The following PYGM variants were observed in gnomAD, a reference collection of about 807,000 sequenced individuals.
The protein encoded by PYGM is glycogen phosphorylase, muscle form.
A neutral mutation model predicts 99.3 loss-of-function variants in PYGM; 81 were observed. The observed-to-expected ratio is 0.82, with a 90% CI of 0.68 to 0.98. The LOEUF (loss-of-function observed/expected upper bound fraction) is 0.98. PYGM is among the 50% of genes least tolerant of loss of function. The pLI, the probability that PYGM is intolerant of heterozygous loss-of-function variation, is 0.00. For synonymous variants in PYGM, 436 were observed against 451.5 expected (o/e 0.97, Z 0.44); for missense variants, 1,030 against 1,158.1 (o/e 0.89, Z 1.61).
At chr11:64,760,543 G>A (rs547746168), upstream of PYGM, among the ~76,000 whole-genome samples, 1 of 152,218 alleles carries the variant, frequency 6.6e-6, no homozygotes, top group African/African-American at 2.4e-5. Flanking sequence ...GTCCCTCAAG[G>A]AGCCCTGAAG....
upstream of PYGM, chr11:64,760,421 G>A (rs1392245052): frequency 1.1e-5 from 2 of 178,352 alleles, no homozygotes; most frequent in Non-Finnish European, 2.4e-5. Flanking sequence ...TTGAGAAAGG[G>A]GCCCACGACC....
intron 11 of PYGM, 28 bp from the exon 12 acceptor site, chr11:64,753,215 C>G: frequency 6.4e-7 from 1 of 1,559,282 alleles, no homozygotes; most frequent in Non-Finnish European, 8.8e-7. Flanking sequence ...ACGAGGGTCA[C>G]CACTCACCCC....
upstream of PYGM, chr11:64,759,992 A>G (rs1211175136): frequency 1.9e-6 from 3 of 1,556,592 alleles, no homozygotes; most frequent in Non-Finnish European, 2.6e-6. Flanking sequence ...CCCAGCCTCA[A>G]GGGGATTTAA....
Position 64,746,761 on chromosome 11 carries a change from AGAG to A in PYGM, c.2424_2426del (p.Ser809del). The A allele has an allele frequency of 6.2e-7, 1 of 1,614,172 alleles. No homozygotes were observed. The highest frequency in any genetic ancestry group is 8.5e-7 in the Non-Finnish European group (1 of 1,180,022). On this transcript the variant is annotated inframe_deletion, in exon 20 of 20. Transcript: ENST00000164139. ...TGGTGCGGTCACTGGAGAACTTGCC[AGAG>A]GTGGCTATGTTCCGGATCACCATCC...
Position 64,755,357 on chromosome 11 carries a change from T to C in PYGM, c.773-2A>G. ...CCTGGATGTAGCCACCGACATTGAC[T>C]GAGGGACAAAAGTGGGGACAGGGTA... On this transcript the variant is annotated splice_acceptor_variant, in intron 6 of 19. Coordinates refer to ENST00000164139, the MANE Select transcript of PYGM (RefSeq NM_005609.4). LOFTEE classifies it high-confidence loss of function. The surrounding 1 kb of genome is among the most constrained non-coding windows in gnomAD (Gnocchi z 4.1). The C allele has an allele frequency of 6.2e-7, 1 of 1,614,094 alleles. No individual in the cohort carries two copies. The highest frequency in any genetic ancestry group is 1.7e-5 in the Admixed American group (1 of 60,022).
intron 14 of PYGM, 96 bp downstream of exon 14, chr11:64,751,828 T>C (rs1242408913): frequency 1.3e-6 from 2 of 1,563,088 alleles, no homozygotes; most frequent in African/African-American, 2.7e-5. Context: ...CCAAGAGTAG[T>C]CCCAAGTCCA....
chr11:64,753,644 C>T lies in PYGM; in HGVS notation c.1278G>A (p.Leu426=), dbSNP rs1364173099. The change falls in exon 11 of 20, where the codon CTG becomes CTA. Residue 426 remains leucine, a synonymous_variant. Transcript: ENST00000164139. ...AAAFPGDVDR[L]RRMSLVEEGA... ...CCTCCTCCACCAGCGACATGCGCCG[C>T]AGCCGGTCTACGTCCCCTGGGAATG... 6.2e-7 allele frequency: 1 copy of T among 1,608,876 alleles called. No individual in the cohort carries two copies.
In PYGM at chr11:64,758,294, A is replaced by G. The variant is rs2135840062; in HGVS notation, c.480T>C (p.Ile160=). 2 of 1,614,132 alleles carry G rather than the reference A, an allele frequency of 1.2e-6. No homozygotes were observed. Among genetic ancestry groups the G allele is most frequent in the South Asian group, 2.2e-5 (2 of 91,084 alleles). Reference sequence around the variant, plus strand: ...GGTTAAAAATCCCAAACTCATAGCGAATCCCGTAGCCATAGGCGGCCAGGC... The same window carrying G: ...GGTTAAAAATCCCAAACTCATAGCGGATCCCGTAGCCATAGGCGGCCAGGC... ...TLGLAAYGYG[I]RYEFGIFNQK... The change falls in exon 4 of 20, where the codon ATT becomes ATC. Residue 160 remains isoleucine (I), a synonymous_variant. Transcript: ENST00000164139.
chr11:64,747,444 G>A, intron 17 of PYGM, 86 bp from the exon 18 acceptor site: 2 of 1,591,472 alleles, frequency 1.3e-6, no homozygotes, highest in Non-Finnish European at 1.7e-6. Flanking sequence ...CCATGCCCCA[G>A]GGTCAAAACC....
At chr11:64,757,741 C>A in intron 5 of PYGM, 38 bp downstream of exon 5, 1 of 1,613,820 alleles carries the variant, frequency 6.2e-7, no homozygotes, top group South Asian at 1.1e-5. Context: ...CTTCCCTCCC[C>A]TTCTCTGGGC....
Position 64,746,786 on chromosome 11 carries a change from A to G in PYGM, c.2402T>C (p.Met801Thr), listed in dbSNP as rs750701415. 1 of 1,614,102 alleles carries G rather than the reference A, an allele frequency of 6.2e-7. No individual in the cohort carries two copies. Among genetic ancestry groups the G allele is most frequent in the Non-Finnish European group, 8.5e-7 (1 of 1,180,006 alleles). The change falls in exon 20 of 20, where the codon ATG becomes ACG. Residue 801 changes from methionine to threonine, a missense_variant. Transcript: ENST00000164139. ...AGAGGTGGCTATGTTCCGGATCACC[A>G]TCCGCGTCCACTCTCTTGGGTTCTG... The part of the protein sequence containing the change: ...LYKNPREWTR[M>T]VIRNIATSGK...
chr11:64,757,746 C>T, intron 5 of PYGM, 33 bp downstream of exon 5: 1 of 1,613,950 alleles, frequency 6.2e-7, no homozygotes, highest in Non-Finnish European at 8.5e-7. Context: ...CTCCCCTTCT[C>T]TGGGCTCCCC....
At position 64,755,186 on chromosome 11, in the gene PYGM, G is replaced by T; in HGVS notation, c.855+87C>A. On this transcript the variant is annotated intron_variant, in intron 7 of 19. Transcript: ENST00000164139. This position sits in a 1 kb window ranked among gnomAD's most constrained non-coding sequence, Gnocchi z 4.1. ...GCAATATGCCCTGGGTGTGACTAGG[G>T]CACCAGCAAGTGTCCTTCCCCAGCT... is the stretch of plus-strand genomic sequence containing the variant. 1 of 1,416,530 alleles carries T rather than the reference G, an allele frequency of 7.1e-7. No individual in the cohort carries two copies. 87.7% of individuals were successfully genotyped at this position (1,416,530 alleles called of 1,614,324 possible).
At position 64,754,034 on chromosome 11, in the gene PYGM, C is replaced by CG. The variant is rs1304298343; in HGVS notation, c.1093-10dup. The stretch of plus-strand genomic sequence containing the variant: ...ACTGTCACATCCCACGCCTGGCACA[C>CG]GGGGTGGGCAGTCAGGATGCTGACC... On this transcript the variant is annotated splice_polypyrimidine_tract_variant and intron_variant, in intron 9 of 19. Coordinates refer to ENST00000164139, the MANE Select transcript of PYGM (RefSeq NM_005609.4). This position sits in a 1 kb window ranked among gnomAD's most constrained non-coding sequence, Gnocchi z 5.5. The CG allele has an allele frequency of 3.1e-6, 5 of 1,597,660 alleles. No individual in the cohort carries two copies. Among genetic ancestry groups the CG allele is most frequent in the Non-Finnish European group, 3.4e-6 (4 of 1,172,150 alleles).
chr11:64,755,261 G>A lies in PYGM; in HGVS notation c.855+12C>T, dbSNP rs1565536530. ...CTCAGGCTTCCAGCCCCCAGCCCAG[G>A]GGGTGACGCACATTATCATTGGGGT... On this transcript the variant is annotated intron_variant, in intron 7 of 19. Coordinates refer to ENST00000164139, the MANE Select transcript of PYGM (RefSeq NM_005609.4). The surrounding 1 kb of genome is among the most constrained non-coding windows in gnomAD (Gnocchi z 4.1). 6.2e-7 allele frequency: 1 copy of A among 1,613,032 alleles called. No individual in the cohort carries two copies. The highest frequency in any genetic ancestry group is 8.5e-7 in the Non-Finnish European group (1 of 1,179,098).
rs2058381026 is a variant in PYGM, at chr11:64,754,483, A to C, written c.1000-138T>G. The stretch of plus-strand genomic sequence containing the variant: ...TGTGGGCAGAGGCAGGCCGGTGCTC[A>C]TGGGGGTGGGAGGAATGGGGGGAGT... On this transcript the variant is annotated intron_variant, in intron 8 of 19. Coordinates refer to ENST00000164139, the MANE Select transcript of PYGM (RefSeq NM_005609.4). This position sits in a 1 kb window ranked among gnomAD's most constrained non-coding sequence, Gnocchi z 5.5. 3.6e-6 allele frequency: 2 copies of C among 551,560 alleles called. No homozygotes were observed. The highest frequency in any genetic ancestry group is 5.6e-6 in the Non-Finnish European group (2 of 354,786). 34.2% of individuals were successfully genotyped at this position (551,560 alleles called of 1,614,324 possible).
rs1592408094 is a variant in PYGM, at chr11:64,750,360, A to T, written c.2177+16T>A. ...ACACCTGGGTGTCTTTTGCCCGTGA[A>T]CCCTGACCCCCATACCCTCTTTGGT... On this transcript the variant is annotated intron_variant, in intron 17 of 19. Transcript: ENST00000164139. The T allele has an allele frequency of 6.2e-7, 1 of 1,613,720 alleles. No individual in the cohort carries two copies. Among genetic ancestry groups the T allele is most frequent in the African/African-American group, 1.3e-5 (1 of 74,934 alleles).
At chr11:64,751,841 G>T (rs1203137990) in intron 14 of PYGM, 83 bp downstream of exon 14, 1 of 1,582,444 alleles carries the variant, frequency 6.3e-7, no homozygotes, top group Non-Finnish European at 8.7e-7. Flanking sequence ...CAAGTCCAAA[G>T]GAGATGTTGG....
At position 64,754,665 on chromosome 11, in the gene PYGM, A is replaced by G; in HGVS notation, c.999+28T>C. ...GAGGCCTAGCACACACTGTCCGGTC[A>G]CAGAGTCGCCCTCCACACGCATGGT... On this transcript the variant is annotated intron_variant, in intron 8 of 19. Coordinates refer to ENST00000164139, the MANE Select transcript of PYGM (RefSeq NM_005609.4). This position sits in a 1 kb window ranked among gnomAD's most constrained non-coding sequence, Gnocchi z 5.5. 6.2e-7 allele frequency: 1 copy of G among 1,611,722 alleles called. No individual in the cohort carries two copies. The highest frequency in any genetic ancestry group is 8.5e-7 in the Non-Finnish European group (1 of 1,179,436).
Sources: allele counts gnomAD v4.1 joint callset (sites outside exome capture counted in the v4.1 genomes callset), GRCh38; gene constraint gnomAD v4.1.1; non-coding constraint Gnocchi (gnomAD v3.1); transcripts MANE v1.5; gene names NCBI Gene and HGNC (gene_info 2026-07-23, HGNC 2026-07-21).